The following GALNTL6 variants were observed in gnomAD, a reference collection of about 807,000 sequenced individuals.
GALNTL6 encodes polypeptide N-acetylgalactosaminyltransferase like 6.
In GALNTL6, 46 loss-of-function variants were observed where a neutral mutation model predicts 73.7. The observed-to-expected ratio is 0.62, with a 90% confidence interval of 0.49 to 0.80. GALNTL6 has a LOEUF of 0.80. Among genes scored for constraint, GALNTL6 ranks in the 30% least tolerant of loss-of-function variants. GALNTL6 has a pLI of 0.00. For synonymous variants in GALNTL6, 259 were observed against 263.7 expected, an observed-to-expected ratio of 0.98 and a Z score of 0.17; for missense variants, 604 against 755.0, an observed-to-expected ratio of 0.80 and a Z score of 2.34.
rs78241819 is a variant in GALNTL6 at position 171,824,998 on chromosome 4, T to C, written c.138+10280T>C. On this transcript the variant is annotated intron_variant, in intron 2 of 12. Transcript: ENST00000506823. Reference sequence around the variant, plus strand: ...AGAATATGCAATGAACAACGAATGCTATTTTGATGACCTTTCCCCTCATAT... The same window carrying C: ...AGAATATGCAATGAACAACGAATGCCATTTTGATGACCTTTCCCCTCATAT... Among the ~76,000 whole-genome samples, 210 of 152,308 alleles carry C rather than the reference T, an allele frequency of 1.4e-3. 5 individuals carry two copies. In the East Asian group the frequency reaches 0.037, roughly 27 times the overall value.
chr4:172,040,157 T>A (rs1470349601), intron 2 of GALNTL6, among the ~76,000 whole-genome samples: 2 of 104,800 alleles, frequency 1.9e-5, no homozygotes, highest in Admixed American at 1.1e-4. Flanking sequence ...GAGAATAAAA[T>A]GGAGACTAAA....
chr4:171,953,898 A>G (rs994427324), intron 2 of GALNTL6, among the ~76,000 whole-genome samples: 1 of 152,186 alleles, frequency 6.6e-6, no homozygotes, highest in Non-Finnish European at 1.5e-5. Context: ...TTGGTGAGGA[A>G]TACATTTTAA....
chr4:172,677,779 G>T (rs762732107), intron 5 of GALNTL6, among the ~76,000 whole-genome samples: 35 of 151,282 alleles, frequency 2.3e-4, no homozygotes, highest in Admixed American at 1.2e-3. Flanking sequence ...AAAAAAAAAA[G>T]AATTGTTGAA....
At position 172,570,770 on chromosome 4, in the gene GALNTL6, C is replaced by T. The variant is rs182761965; in HGVS notation, c.553+222081C>T. 6.9e-4 allele frequency among the ~76,000 whole-genome samples: 105 copies of T among 152,064 alleles called. No homozygotes were observed. In the South Asian group the frequency reaches 8.7e-3, roughly 13 times the overall value. ...ATTATTATTATATTGTAATATATAACGAAATAATTATACAACTCACCCTAA... is the reference window on the plus strand; with the variant it reads ...ATTATTATTATATTGTAATATATAATGAAATAATTATACAACTCACCCTAA... On this transcript the variant is annotated intron_variant, in intron 5 of 12. Transcript: ENST00000506823.
chr4:172,545,442 A>C (rs187301623), intron 5 of GALNTL6, among the ~76,000 whole-genome samples: 11 of 152,322 alleles, frequency 7.2e-5, no homozygotes, highest in African/African-American at 2.4e-4. Context: ...TCCACCTTCC[A>C]CACGGTTACC....
intron 2 of GALNTL6, among the ~76,000 whole-genome samples, chr4:172,038,387 G>C (rs1232474614): frequency 6.6e-6 from 1 of 152,078 alleles, no homozygotes; most frequent in African/African-American, 2.4e-5. Context: ...ATTTGCTAAA[G>C]AGAGTTTATA....
intron 5 of GALNTL6, among the ~76,000 whole-genome samples, chr4:172,513,383 A>C (rs1378062477): frequency 6.6e-6 from 1 of 152,130 alleles, no homozygotes; most frequent in African/African-American, 2.4e-5. Flanking sequence ...CTCTCTGAGT[A>C]GCTTAATAAT....
At chr4:172,171,600 A>AG (rs1426628598) in intron 2 of GALNTL6, among the ~76,000 whole-genome samples, 4 of 151,138 alleles carry the variant, frequency 2.6e-5, no homozygotes, top group Admixed American at 2.0e-4. Context: ...AGGCTGAGGC[A>AG]GGGGGATCGG....
chr4:172,328,796 A>T (rs1477402247), intron 4 of GALNTL6, among the ~76,000 whole-genome samples: 1 of 152,144 alleles, frequency 6.6e-6, no homozygotes, highest in Non-Finnish European at 1.5e-5. Context: ...CCTTGGATTA[A>T]GTTTGCCATT....
At chr4:172,024,977 C>G (rs568361959) in intron 2 of GALNTL6, among the ~76,000 whole-genome samples, 27 of 151,796 alleles carry the variant, frequency 1.8e-4, no homozygotes, top group Non-Finnish European at 3.2e-4. Context: ...ATTACCCATC[C>G]AAGATAAATC....
chr4:171,877,355 T>C (rs1336990111), intron 2 of GALNTL6, among the ~76,000 whole-genome samples: 1 of 152,198 alleles, frequency 6.6e-6, no homozygotes, highest in Non-Finnish European at 1.5e-5. Flanking sequence ...AATGAACTAC[T>C]GCAGAATATT....
intron 3 of GALNTL6, among the ~76,000 whole-genome samples, chr4:172,250,655 C>G (rs1445172795): frequency 6.6e-6 from 1 of 152,074 alleles, no homozygotes; most frequent in African/African-American, 2.4e-5. Flanking sequence ...GTTTGCTTCC[C>G]CTTCCACCAT....
At chr4:172,382,622 T>A (rs1471942995) in intron 5 of GALNTL6, among the ~76,000 whole-genome samples, 1 of 152,202 alleles carries the variant, frequency 6.6e-6, no homozygotes, top group Non-Finnish European at 1.5e-5. Flanking sequence ...ATTTCCTAGA[T>A]GTTTTTGTCT....
intron 5 of GALNTL6, among the ~76,000 whole-genome samples, chr4:172,393,154 CCCTGGTGCCAA>C (rs1743725504): frequency 6.6e-6 from 1 of 152,094 alleles, no homozygotes; most frequent in South Asian, 2.1e-4. Flanking sequence ...TGAAACTGAG[CCCTGGTGCCAA>C]AAAGGGAGCC....
chr4:172,296,526 C>T (rs1739680244), intron 3 of GALNTL6, among the ~76,000 whole-genome samples: 1 of 152,066 alleles, frequency 6.6e-6, no homozygotes. Context: ...CCCCACCCCA[C>T]AACAGGCCCC....
chr4:171,865,042 A>ATTCT (rs1437787082), intron 2 of GALNTL6, among the ~76,000 whole-genome samples: 1 of 152,084 alleles, frequency 6.6e-6, no homozygotes, highest in African/African-American at 2.4e-5. Context: ...GCTACTCAGA[A>ATTCT]GACTGAGGCA....
chr4:172,094,879 C>T (rs1191157070), intron 2 of GALNTL6, among the ~76,000 whole-genome samples: 2 of 151,896 alleles, frequency 1.3e-5, no homozygotes, highest in Non-Finnish European at 2.9e-5. Context: ...GCTTACTGTA[C>T]AGCTATATCT....
chr4:172,554,856 T>A (rs542840471), intron 5 of GALNTL6, among the ~76,000 whole-genome samples: 2 of 152,300 alleles, frequency 1.3e-5, no homozygotes, highest in East Asian at 3.9e-4. Flanking sequence ...CTCTTATAAA[T>A]AATGCCACTA....
At chr4:172,570,473 G>A (rs1290793351) in intron 5 of GALNTL6, among the ~76,000 whole-genome samples, 3 of 152,072 alleles carry the variant, frequency 2.0e-5, no homozygotes, top group Admixed American at 1.3e-4. Context: ...TTGGAGGTAG[G>A]GTCTTTAATG....
Sources: gnomAD v4.1 joint callset for allele counts (sites outside exome capture counted in the v4.1 genomes callset) on GRCh38, gnomAD v4.1.1 for gene constraint, MANE v1.5 for transcripts, NCBI Gene and HGNC (gene_info 2026-07-23, HGNC 2026-07-21) for gene names.